Variants in SOCS5 observed in about 807,000 individuals in gnomAD.
The protein encoded by SOCS5 is CIS-6.
A neutral mutation model predicts 42.8 loss-of-function variants in SOCS5; 32 were observed. The observed-to-expected ratio is 0.75, with a 90% CI of 0.56 to 1.01. The LOEUF is 1.01. Ranked by LOEUF, SOCS5 falls within the 50% of genes least tolerant of loss-of-function variation. The probability of loss-of-function intolerance (pLI) is 0.00; values close to 1 mark genes in which losing one functional copy is unlikely to be tolerated. For synonymous variants in SOCS5, 283 were observed against 229.6 expected (o/e 1.23, Z -2.10); for missense variants, 627 against 653.0 (o/e 0.96, Z 0.43).
chr2:46,717,716 A>G (rs1193178813), intron 1 of SOCS5, among the ~76,000 whole-genome samples: 3 of 152,116 alleles, frequency 2.0e-5, no homozygotes, highest in African/African-American at 7.2e-5. Context: ...TTTTAGGGTT[A>G]GGTTACCTCT....
intron 1 of SOCS5, among the ~76,000 whole-genome samples, chr2:46,705,339 C>G (rs1025068510): frequency 6.6e-6 from 1 of 152,186 alleles, no homozygotes; most frequent in South Asian, 2.1e-4. Flanking sequence ...CAATCTCACG[C>G]TGTCTCTAGG....
intron 1 of SOCS5, among the ~76,000 whole-genome samples, chr2:46,734,919 C>T (rs1443739966): frequency 6.6e-6 from 1 of 152,200 alleles, no homozygotes; most frequent in African/African-American, 2.4e-5. Flanking sequence ...ATACATCAGC[C>T]ATCTGAATCA....
chr2:46,759,495 G>A lies in SOCS5; in HGVS notation c.965G>A (p.Cys322Tyr). The change falls in exon 2 of 2, where the codon TGT becomes TAT. Residue 322 changes from cysteine (C) to tyrosine (Y), a missense_variant. Around this residue, in one of 3 missense-constraint regions of SOCS5, gnomAD observed 340 missense variants for 367.6 expected, o/e 0.92. Transcript: ENST00000394861. ...GDSSAIPQAN[C>Y]DSEEDTTTLC... ...AGTTCTGCAATTCCACAAGCTAATT[G>A]TGACTCGGAAGAGGATACAACCACC... The A allele has an allele frequency of 6.2e-7, 1 of 1,613,998 alleles. No homozygotes were observed. The highest frequency in any genetic ancestry group is 8.5e-7 in the Non-Finnish European group (1 of 1,179,870).
intron 1 of SOCS5, among the ~76,000 whole-genome samples, chr2:46,703,521 T>C (rs529212962): frequency 2.0e-5 from 3 of 152,358 alleles, no homozygotes; most frequent in Admixed American, 2.0e-4. Context: ...TCTCTTCAAG[T>C]CTATTACATA....
intron 1 of SOCS5, among the ~76,000 whole-genome samples, chr2:46,753,255 GA>G (rs1364636877): frequency 2.0e-5 from 3 of 152,076 alleles, no homozygotes; most frequent in Non-Finnish European, 4.4e-5. Context: ...CACCTCCTCA[GA>G]AAAGTCTTCC....
chr2:46,748,870 C>G (rs1372466115), intron 1 of SOCS5, among the ~76,000 whole-genome samples: 1 of 152,160 alleles, frequency 6.6e-6, no homozygotes, highest in Non-Finnish European at 1.5e-5. Flanking sequence ...CCATTGGTAA[C>G]TGAATATTAT....
intron 1 of SOCS5, among the ~76,000 whole-genome samples, chr2:46,755,066 T>C (rs1467538153): frequency 1.3e-5 from 2 of 152,146 alleles, no homozygotes; most frequent in Non-Finnish European, 2.9e-5. Flanking sequence ...GGACTTTCTA[T>C]TGGAAAGGTG....
chr2:46,730,122 C>G (rs557754177), intron 1 of SOCS5, among the ~76,000 whole-genome samples: 4 of 152,082 alleles, frequency 2.6e-5, no homozygotes, highest in Non-Finnish European at 2.9e-5. Context: ...CTCATTGACC[C>G]AAACATCATT....
At chr2:46,708,079 G>A (rs574488056) in intron 1 of SOCS5, among the ~76,000 whole-genome samples, 1 of 152,324 alleles carries the variant, frequency 6.6e-6, no homozygotes, top group South Asian at 2.1e-4. Context: ...ATGGCAAGGT[G>A]AGTGAATGAA....
At position 46,743,323 on chromosome 2, in the gene SOCS5, C is replaced by T. The variant is rs1034569929; in HGVS notation, c.-12-15196C>T. On this transcript the variant is annotated intron_variant, in intron 1 of 1. Coordinates refer to ENST00000394861, the MANE Select transcript of SOCS5 (RefSeq NM_144949.3). ...GAATGGCTCTTCCATAGAGCGGCCC[C>T]GTGGGCTGCTGGTTGCCCATTTTTA... Among the ~76,000 whole-genome samples, 21 of 152,210 alleles carry T rather than the reference C, an allele frequency of 1.4e-4. 1 individual carries two copies. The South Asian group carries it at 3.3e-3, about 24-fold the overall frequency.
rs575864119 is a variant in SOCS5, at chr2:46,736,904, G to A, written c.-12-21615G>A. 3.4e-4 allele frequency among the ~76,000 whole-genome samples: 51 copies of A among 151,556 alleles called. No homozygotes were observed. In the South Asian group the frequency reaches 9.2e-3, roughly 27 times the overall value. ...TTGGGCATCCCTAATGTGGAAATTC[G>A]AAATGTTCCAGTGAACATTTCCTTT... On this transcript the variant is annotated intron_variant, in intron 1 of 1. Transcript: ENST00000394861.
At chr2:46,718,046 G>A (rs1430868183) in intron 1 of SOCS5, among the ~76,000 whole-genome samples, 1 of 152,058 alleles carries the variant, frequency 6.6e-6, no homozygotes, top group African/African-American at 2.4e-5. Context: ...AACCTTAGTA[G>A]CCTCAAACTT....
At chr2:46,741,858 A>G (rs894755060) in intron 1 of SOCS5, among the ~76,000 whole-genome samples, 1 of 152,214 alleles carries the variant, frequency 6.6e-6, no homozygotes, top group Non-Finnish European at 1.5e-5. Context: ...TTTCCTGCAT[A>G]TAAATCTCCA....
At chr2:46,709,616 G>A (rs529055042) in intron 1 of SOCS5, among the ~76,000 whole-genome samples, 29 of 152,328 alleles carry the variant, frequency 1.9e-4, no homozygotes, top group African/African-American at 7.0e-4. Context: ...GCAGGGGGAA[G>A]TGAAGGACCT....
chr2:46,734,416 A>G (rs1673196883), intron 1 of SOCS5, among the ~76,000 whole-genome samples: 1 of 152,186 alleles, frequency 6.6e-6, no homozygotes, highest in African/African-American at 2.4e-5. Flanking sequence ...GGAAACCTGC[A>G]TACAGGTATA....
intron 1 of SOCS5, among the ~76,000 whole-genome samples, chr2:46,751,860 A>G (rs999763723): frequency 6.6e-6 from 1 of 152,198 alleles, no homozygotes; most frequent in African/African-American, 2.4e-5. Context: ...CCCACCATGA[A>G]CTAAGAATGG....
chr2:46,755,704 A>G (rs1367128341), intron 1 of SOCS5, among the ~76,000 whole-genome samples: 1 of 152,192 alleles, frequency 6.6e-6, no homozygotes, highest in African/African-American at 2.4e-5. Context: ...ATAATTTCAT[A>G]TAAAACCATA....
chr2:46,752,964 C>G (rs532269907), intron 1 of SOCS5, among the ~76,000 whole-genome samples: 1 of 152,284 alleles, frequency 6.6e-6, no homozygotes, highest in Admixed American at 6.5e-5. Flanking sequence ...ATAGCCATCT[C>G]TCCTATCACC....
chr2:46,741,432 T>G, intron 1 of SOCS5, among the ~76,000 whole-genome samples: 1 of 152,268 alleles, frequency 6.6e-6, no homozygotes, highest in Middle Eastern at 3.4e-3. Flanking sequence ...AATCCCAAAG[T>G]GTTGGGATTA....
Sources: gnomAD v4.1 joint callset for allele counts (sites outside exome capture counted in the v4.1 genomes callset) on GRCh38, gnomAD v4.1.1 for gene constraint, gnomAD v4.1.1 regional missense constraint, MANE v1.5 for transcripts, NCBI Gene and HGNC (gene_info 2026-07-23, HGNC 2026-07-21) for gene names.